MYBL2: variants seen among roughly 807,000 people sequenced by gnomAD.
MYBL2 encodes the protein MYB proto-oncogene like 2.
Under a neutral mutation model 79.9 loss-of-function variants are expected in MYBL2, and 28 were observed. That is an observed-to-expected ratio of 0.35 (90% CI 0.26 to 0.48). The LOEUF is 0.48. Among genes scored for constraint, MYBL2 ranks in the 20% least tolerant of loss-of-function variants. The probability of loss-of-function intolerance (pLI) is 0.99; values close to 1 mark genes in which losing one functional copy is unlikely to be tolerated. For missense variants in MYBL2, 735 were observed against 893.9 expected (o/e 0.82, Z 2.27); for synonymous variants, 378 against 361.2 (o/e 1.05, Z -0.53).
Position 43,686,886 on chromosome 20 carries a change from A to G in MYBL2, c.314A>G (p.Gln105Arg), listed in dbSNP as rs1273292777. Residue 105 changes from glutamine (Q) to arginine (R), a missense_variant, in exon 5 of 14, where the codon CAG becomes CGG. By Grantham distance (43) the Gln-to-Arg change is conservative (BLOSUM62 1). Coordinates refer to ENST00000217026, the MANE Select transcript of MYBL2 (RefSeq NM_002466.4). ...CTGGTTAAGAAGTATGGCACAAAGC[A>G]GTGGACACTGATTGCCAAGCACCTG... ...IELVKKYGTK[Q>R]WTLIAKHLKG... is the part of the protein sequence containing the mutation. The G allele has an allele frequency of 1.2e-6, 2 of 1,614,196 alleles. No individual in the cohort carries two copies. The highest frequency in any genetic ancestry group is 8.5e-7 in the Non-Finnish European group (1 of 1,180,030).
chr20:43,697,611 A>G (rs1412233734), intron 6 of MYBL2, among the ~76,000 whole-genome samples: 5 of 148,498 alleles, frequency 3.4e-5, no homozygotes, highest in Non-Finnish European at 7.4e-5. Flanking sequence ...TCTGTCTCAA[A>G]AAACAACAAG....
At chr20:43,672,488 G>A (rs909327819) in intron 1 of MYBL2, among the ~76,000 whole-genome samples, 18 of 151,906 alleles carry the variant, frequency 1.2e-4, no homozygotes, top group Admixed American at 2.6e-4. Flanking sequence ...GCTCAGGCCC[G>A]TAATACCAGC....
chr20:43,698,250 G>A (rs1987597235), intron 6 of MYBL2, among the ~76,000 whole-genome samples: 1 of 151,016 alleles, frequency 6.6e-6, no homozygotes, highest in Non-Finnish European at 1.5e-5. Flanking sequence ...ATAGAGATGG[G>A]GTTTGCCCAG....
intron 4 of MYBL2, among the ~76,000 whole-genome samples, chr20:43,684,551 T>TG (rs1987222704): frequency 6.6e-6 from 1 of 150,378 alleles, no homozygotes; most frequent in African/African-American, 2.4e-5. Context: ...TTTTTTTTTT[T>TG]AATTTGTAGA....
intron 6 of MYBL2, among the ~76,000 whole-genome samples, chr20:43,695,709 G>T (rs181848669): frequency 6.7e-6 from 1 of 150,156 alleles, no homozygotes; most frequent in African/African-American, 2.4e-5. Context: ...AAGCTGGTGC[G>T]GTGGCACACA....
chr20:43,675,131 C>A (rs573743170), intron 2 of MYBL2, among the ~76,000 whole-genome samples: 15 of 152,116 alleles, frequency 9.9e-5, no homozygotes, highest in Non-Finnish European at 1.2e-4. Flanking sequence ...AGGCATGCGC[C>A]ACCACGCCTG....
intron 12 of MYBL2, 136 bp from the exon 13 acceptor site, chr20:43,714,996 CTG>C: frequency 2.0e-6 from 2 of 1,023,414 alleles, no homozygotes; most frequent in Non-Finnish European, 2.9e-6. Flanking sequence ...AAAGCAGAAA[CTG>C]AGGCTTGGAA....
intron 1 of MYBL2, among the ~76,000 whole-genome samples, chr20:43,670,447 A>G (rs1986829859): frequency 6.6e-6 from 1 of 152,126 alleles, no homozygotes; most frequent in Non-Finnish European, 1.5e-5. Flanking sequence ...TTCTTTTGAA[A>G]TTGGGTCTTG....
intron 8 of MYBL2, among the ~76,000 whole-genome samples, chr20:43,703,821 C>T (rs2145729708): frequency 6.6e-6 from 1 of 152,224 alleles, no homozygotes; most frequent in African/African-American, 2.4e-5. Flanking sequence ...GTACCACAGG[C>T]TCGGTGGATT....
intron 5 of MYBL2, among the ~76,000 whole-genome samples, chr20:43,691,571 A>G (rs1193293718): frequency 7.3e-6 from 1 of 137,090 alleles, no homozygotes; most frequent in Admixed American, 7.4e-5. Context: ...GTGGAATTTT[A>G]CTTTTGTTCC....
intron 2 of MYBL2, among the ~76,000 whole-genome samples, chr20:43,678,212 T>C (rs200985019): frequency 0.016 from 2,402 of 152,012 alleles, 65 homozygotes; most frequent in African/African-American, 0.055. Context: ...GACCTTTGTT[T>C]ACTTGTTTAT....
At chr20:43,681,545 G>T (rs1013566248) in intron 2 of MYBL2, among the ~76,000 whole-genome samples, 1 of 152,166 alleles carries the variant, frequency 6.6e-6, no homozygotes, top group African/African-American at 2.4e-5. Flanking sequence ...TCCCAGCAGG[G>T]GGTGGCTTTA....
chr20:43,686,790 G>C (rs536607835), intron 4 of MYBL2, 62 bp from the exon 5 acceptor site: 3 of 1,517,050 alleles, frequency 2.0e-6, no homozygotes, highest in Admixed American at 3.5e-5. Context: ...TGGATGTGAA[G>C]GGCTATGGTG....
intron 9 of MYBL2, 115 bp from the exon 10 acceptor site, chr20:43,709,848 C>A: frequency 2.4e-6 from 2 of 832,466 alleles, no homozygotes; most frequent in Non-Finnish European, 3.8e-6. Context: ...AGGGATGGGA[C>A]GAGAACCTGT....
intron 8 of MYBL2, among the ~76,000 whole-genome samples, chr20:43,704,277 A>G (rs1394237399): frequency 1.3e-5 from 2 of 152,142 alleles, no homozygotes; most frequent in East Asian, 1.9e-4. Flanking sequence ...CGGCCTCCCA[A>G]AGTGCTGGGA....
intron 11 of MYBL2, among the ~76,000 whole-genome samples, chr20:43,712,066 T>G (rs1987920346): frequency 6.7e-6 from 1 of 149,462 alleles, no homozygotes; most frequent in Non-Finnish European, 1.5e-5. Flanking sequence ...AGTGCCTGGC[T>G]GAGTGTCAAG....
At chr20:43,714,265 G>T (rs796722580) in intron 12 of MYBL2, among the ~76,000 whole-genome samples, 2 of 152,240 alleles carry the variant, frequency 1.3e-5, no homozygotes, top group African/African-American at 4.8e-5. Context: ...GCGTGGGAGG[G>T]GCTTTGTGCA....
intron 8 of MYBL2, 24 bp downstream of exon 8, chr20:43,702,927 C>T: frequency 1.3e-6 from 2 of 1,566,028 alleles, no homozygotes; most frequent in Non-Finnish European, 1.7e-6. Context: ...ACTCTGGCTG[C>T]TTATTGGGTC....
chr20:43,701,585 TAGCTC>T (rs1987675937), intron 7 of MYBL2, among the ~76,000 whole-genome samples: 1 of 152,366 alleles, frequency 6.6e-6, no homozygotes, highest in East Asian at 1.9e-4. Context: ...CGAATCCCCT[TAGCTC>T]AGCTTCCTTG....
Sources: gnomAD v4.1 joint callset for allele counts (sites outside exome capture counted in the v4.1 genomes callset) on GRCh38, gnomAD v4.1.1 for gene constraint, MANE v1.5 for transcripts, NCBI Gene and HGNC (gene_info 2026-07-23, HGNC 2026-07-21) for gene names.